Variants in PDXDC1 observed in about 807,000 individuals in gnomAD.
The protein encoded by PDXDC1 is pyridoxal-dependent decarboxylase domain-containing protein 1.
A neutral mutation model predicts 100.1 loss-of-function variants in PDXDC1; 42 were observed. The ratio of observed to expected loss-of-function variants is 0.42; its 90% CI spans 0.33 to 0.54. PDXDC1 has a LOEUF of 0.54. Ranked by LOEUF, PDXDC1 falls within the 20% of genes least tolerant of loss-of-function variation. The pLI, the probability that PDXDC1 is intolerant of heterozygous loss-of-function variation, is 0.10. For synonymous variants in PDXDC1, 260 were observed against 371.7 expected, an observed-to-expected ratio of 0.70 and a Z score of 3.46; for missense variants, 636 against 979.2, an observed-to-expected ratio of 0.65 and a Z score of 4.68.
At chr16:15,085,719 T>C in intron 16 of PDXDC1, 1 of 1,612,452 alleles carries the variant, frequency 6.2e-7, no homozygotes. Context: ...AAAAAGAAAA[T>C]ATGTTATTCT....
Position 15,032,908 on chromosome 16 carries a change from A to T in PDXDC1, c.1619A>T (p.Glu540Val). 1 of 1,612,742 alleles carries T rather than the reference A, an allele frequency of 6.2e-7. No individual in the cohort carries two copies. The highest frequency in any genetic ancestry group is 8.5e-7 in the Non-Finnish European group (1 of 1,178,658). The change falls in exon 18 of 23, where the codon GAA becomes GTA. Residue 540 changes from glutamate (E) to valine (V), a missense_variant. Physicochemically the swap from Glu to Val is moderately radical, Grantham distance 121. This residue lies in a region of PDXDC1 where 452 missense variants were observed against 402.9 expected (regional missense o/e 1.12). Coordinates refer to ENST00000396410, the MANE Select transcript of PDXDC1 (RefSeq NM_015027.4). ...AAGAGCAGTTTGAAATCAGATCCCG[A>T]AGGGGAAAACATCCATGCTGGACTC... Reference protein sequence around the residue: ...DDKSSLKSDPEGENIHAGLLK... With the variant: ...DDKSSLKSDPVGENIHAGLLK...
chr16:14,985,281 C>CTTTTTTTTT (rs769346480), intron 1 of PDXDC1, among the ~76,000 whole-genome samples: 2 of 114,508 alleles, frequency 1.7e-5, no homozygotes, highest in Non-Finnish European at 3.5e-5. Context: ...TGATAAACAA[C>CTTTTTTTTT]TTTTTTTTTT....
At chr16:15,144,682 T>A in the PDXDC1 span, among the ~76,000 whole-genome samples, 2 of 152,140 alleles carry the variant, frequency 1.3e-5, no homozygotes, top group East Asian at 3.9e-4. Context: ...GGGGGTGACA[T>A]GGGCAGCCTC....
intron 16 of PDXDC1, chr16:15,073,037 C>T: frequency 6.2e-7 from 1 of 1,613,076 alleles, no homozygotes; most frequent in Non-Finnish European, 8.5e-7. Context: ...AGATGTTTAT[C>T]AGGTCGCGAT....
intron 1 of PDXDC1, among the ~76,000 whole-genome samples, chr16:14,993,184 C>T (rs1971233263): frequency 6.6e-6 from 1 of 152,178 alleles, no homozygotes; most frequent in African/African-American, 2.4e-5. Context: ...GGTACGTGTG[C>T]ACAACATGCA....
At chr16:15,083,406 A>G in intron 16 of PDXDC1, 1 of 1,519,976 alleles carries the variant, frequency 6.6e-7, no homozygotes, top group East Asian at 2.3e-5. Flanking sequence ...CTCAAAAAAG[A>G]AAAAGAAAAA....
intron 1 of PDXDC1, among the ~76,000 whole-genome samples, chr16:14,997,025 A>G (rs1428462198): frequency 6.6e-6 from 1 of 152,192 alleles, no homozygotes. Context: ...TACAATGGCC[A>G]GGCTGAGGGG....
intron 16 of PDXDC1, chr16:15,084,594 C>T: frequency 3.0e-6 from 4 of 1,320,192 alleles, no homozygotes; most frequent in Non-Finnish European, 4.3e-6. Flanking sequence ...TAATTGATTA[C>T]AATTTTCTTG....
chr16:15,089,170 T>C (rs1415626558), intron 16 of PDXDC1, among the ~76,000 whole-genome samples: 1 of 151,880 alleles, frequency 6.6e-6, no homozygotes, highest in African/African-American at 2.4e-5. Context: ...CTGGGCATGG[T>C]GGCACAGCTA....
At chr16:15,056,133 C>G in intron 16 of PDXDC1, 1 of 176,914 alleles carries the variant, frequency 5.7e-6, no homozygotes, top group Non-Finnish European at 1.2e-5. Flanking sequence ...GGAGGCGGTG[C>G]CGGCCGAAGA....
At chr16:15,048,144 G>A (rs954806678) in intron 16 of PDXDC1, 12 of 1,385,726 alleles carry the variant, frequency 8.7e-6, no homozygotes, top group Non-Finnish European at 1.2e-5. Context: ...AAATTAGTGA[G>A]GATGGAAAAA....
chr16:15,122,711 C>T (rs1362956783), intron 16 of PDXDC1, among the ~76,000 whole-genome samples: 1 of 150,092 alleles, frequency 6.7e-6, no homozygotes, highest in Admixed American at 6.7e-5. Flanking sequence ...CCACCGCACC[C>T]GCATGTCCTG....
rs758466541 is a variant in PDXDC1, at chr16:15,131,123, C to T, written c.1400-7756C>T. 1.8e-5 allele frequency: 29 copies of T among 1,604,704 alleles called. 1 individual carries two copies. The highest frequency in any genetic ancestry group is 1.7e-5 in the Admixed American group (1 of 59,856). On this transcript the variant is annotated intron_variant, in intron 16 of 16. Coordinates refer to the PDXDC1 transcript ENST00000535621. ...GTATAGTTGAGCTGCAGATGCAGCA[C>T]GGCCGCAGGGTTGCTGCTGTCCAGG...
intron 16 of PDXDC1, 133 bp downstream of exon 16, chr16:15,030,189 G>A: frequency 1.4e-6 from 1 of 738,332 alleles, no homozygotes; most frequent in East Asian, 2.8e-5. Context: ...TTTCTTTTGG[G>A]CTAAATTTAG....
At chr16:15,135,539 G>A in intron 16 of PDXDC1, 4 of 1,022,714 alleles carry the variant, frequency 3.9e-6, no homozygotes, top group East Asian at 2.4e-5. Flanking sequence ...CTGGGACGGG[G>A]CCCACCAGGC....
Position 15,105,230 on chromosome 16 carries a change from AG to A in PDXDC1, c.1400-33647del, listed in dbSNP as rs1167730753. 6.3e-5 allele frequency among the ~76,000 whole-genome samples: 8 copies of A among 126,432 alleles called. No homozygotes were observed. The Admixed American group carries it at 7.3e-4, about 12-fold the overall frequency. 82.9% of individuals were successfully genotyped at this position (126,432 alleles called of 152,430 possible). A position where few individuals can be genotyped will look rare whatever the true frequency, so the allele number is the denominator to read the frequency against. ...AGCTTCTTTTTGGAGAATGTTTTCC[AG>A]GCCCTTTATGTTCTGTCTCTGATTC... is the stretch of plus-strand genomic sequence containing the variant. On this transcript the variant is annotated intron_variant, in intron 16 of 16. Transcript: ENST00000535621.
chr16:15,146,531 G>T, the PDXDC1 span, among the ~76,000 whole-genome samples: 2 of 152,156 alleles, frequency 1.3e-5, no homozygotes. Flanking sequence ...CAAACACCCA[G>T]AGGTAGGCAC....
At chr16:15,035,345 G>A in intron 21 of PDXDC1, 104 bp from the exon 22 acceptor site, 1 of 576,816 alleles carries the variant, frequency 1.7e-6, no homozygotes, top group Admixed American at 3.6e-5. Flanking sequence ...CAGGCTCAGT[G>A]GCTGGAAGGA....
chr16:15,126,264 T>G (rs1368941966), intron 16 of PDXDC1, among the ~76,000 whole-genome samples: 4 of 143,734 alleles, frequency 2.8e-5, no homozygotes, highest in African/African-American at 1.0e-4. Context: ...TTGGAACTCC[T>G]GACCTCAAGT....
Sources: allele counts gnomAD v4.1 joint callset (sites outside exome capture counted in the v4.1 genomes callset), GRCh38; gene constraint gnomAD v4.1.1; regional missense constraint gnomAD v4.1.1; transcripts MANE v1.5; gene names NCBI Gene and HGNC (gene_info 2026-07-23, HGNC 2026-07-21).